CCDC91: variants seen among roughly 807,000 people sequenced by gnomAD.
CCDC91 encodes the protein coiled-coil domain-containing protein 91.
Under a neutral mutation model 63.2 loss-of-function variants are expected in CCDC91, and 48 were observed. The ratio of observed to expected loss-of-function variants is 0.76; its 90% CI spans 0.60 to 0.97. CCDC91 has a LOEUF of 0.97. Ranked by LOEUF, CCDC91 falls within the 50% of genes least tolerant of loss-of-function variation. CCDC91 has a pLI of 0.00. For synonymous variants in CCDC91, 167 were observed against 165.8 expected, an observed-to-expected ratio of 1.01 and a Z score of -0.06; for missense variants, 500 against 494.6, an observed-to-expected ratio of 1.01 and a Z score of -0.10.
chr12:28,465,696 G>T (rs1950517085), intron 11 of CCDC91, among the ~76,000 whole-genome samples: 1 of 152,118 alleles, frequency 6.6e-6, no homozygotes, highest in Admixed American at 6.5e-5. Context: ...TTCCCCAGAA[G>T]GATGGATACA....
intron 12 of CCDC91, among the ~76,000 whole-genome samples, chr12:28,513,896 T>C (rs1321998800): frequency 6.6e-6 from 1 of 151,938 alleles, no homozygotes; most frequent in Non-Finnish European, 1.5e-5. Flanking sequence ...ATGTCTTTGC[T>C]ATTGTGAATA....
intron 8 of CCDC91, among the ~76,000 whole-genome samples, chr12:28,435,614 C>A (rs1371322212): frequency 6.6e-6 from 1 of 151,704 alleles, no homozygotes; most frequent in Admixed American, 6.6e-5. Context: ...TACAGATAGC[C>A]AGTATATGCA....
At chr12:28,436,193 T>G (rs1346149172) in intron 8 of CCDC91, among the ~76,000 whole-genome samples, 1 of 151,898 alleles carries the variant, frequency 6.6e-6, no homozygotes, top group African/African-American at 2.4e-5. Flanking sequence ...TTCTGCCTTT[T>G]GTGGTGGTTT....
intron 7 of CCDC91, among the ~76,000 whole-genome samples, chr12:28,362,720 A>C (rs554089056): frequency 2.6e-5 from 4 of 152,214 alleles, no homozygotes; most frequent in Non-Finnish European, 5.9e-5. Context: ...GAATTTGAGA[A>C]AGTTTGAGAA....
At chr12:28,307,158 G>GCTTTCTAACT (rs1938830934) in intron 5 of CCDC91, among the ~76,000 whole-genome samples, 2 of 151,796 alleles carry the variant, frequency 1.3e-5, no homozygotes, top group African/African-American at 2.4e-5. Flanking sequence ...TCGTTTACTA[G>GCTTTCTAACT]GTTTTTTCTA....
intron 1 of CCDC91, among the ~76,000 whole-genome samples, chr12:28,217,428 G>A (rs1943636964): frequency 6.6e-6 from 1 of 152,102 alleles, no homozygotes; most frequent in African/African-American, 2.4e-5. Flanking sequence ...GACTGCTCAA[G>A]CTTGTATTCA....
intron 1 of CCDC91, among the ~76,000 whole-genome samples, chr12:28,224,026 C>G (rs1944114254): frequency 6.6e-6 from 1 of 152,184 alleles, no homozygotes; most frequent in African/African-American, 2.4e-5. Flanking sequence ...TGCTTAAGTG[C>G]TCCACAAATC....
At chr12:28,540,073 A>G (rs1314005258) in intron 12 of CCDC91, among the ~76,000 whole-genome samples, 1 of 152,134 alleles carries the variant, frequency 6.6e-6, no homozygotes, top group African/African-American at 2.4e-5. Flanking sequence ...AGTAGTGGAA[A>G]TATGAAAGTA....
Position 28,210,457 on chromosome 12 carries a change from T to C in CCDC91, c.-15+19816T>C, listed in dbSNP as rs1169123837. ...ATATAACTGCACAGACAGAAGATTA[T>C]TACAGTTGTTGTAAGTTTCTATTTA... On this transcript the variant is annotated intron_variant, in intron 1 of 12. Coordinates refer to ENST00000536442, the MANE Select transcript of CCDC91 (RefSeq NM_018318.5). Among the ~76,000 whole-genome samples, 3 of 152,202 alleles carry C rather than the reference T, an allele frequency of 2.0e-5. No homozygotes were observed. The East Asian group carries it at 5.8e-4, about 29-fold the overall frequency.
chr12:28,443,121 T>A lies in CCDC91; in HGVS notation c.763-7040T>A, dbSNP rs540430610. ...GTTCTCTAATTTTTTTAAATAGAAA[T>A]CTCATGGTTTGAATTTTTTTCCCAG... On this transcript the variant is annotated intron_variant, in intron 8 of 12. Coordinates refer to ENST00000536442, the MANE Select transcript of CCDC91 (RefSeq NM_018318.5). 4.4e-5 allele frequency among the ~76,000 whole-genome samples: 3 copies of A among 67,930 alleles called. No homozygotes were observed. In the South Asian group the frequency reaches 1.9e-3, roughly 44 times the overall value. The allele number at this position is 67,930 out of a possible 152,430, so 44.6% of individuals were successfully genotyped here.
In CCDC91 at chr12:28,295,247, C is replaced by T. The variant is rs550042999; in HGVS notation, c.110-10402C>T. Among the ~76,000 whole-genome samples, 4 of 152,236 alleles carry T rather than the reference C, an allele frequency of 2.6e-5. No individual in the cohort carries two copies. In the East Asian group the frequency reaches 7.7e-4, roughly 29 times the overall value. On this transcript the variant is annotated intron_variant, in intron 3 of 12. Transcript: ENST00000536442. The stretch of plus-strand genomic sequence containing the variant: ...AAGTGATTATAACATTTGCCTGGTT[C>T]CCTCATTGTGTGAGTAGACTAAAAT...
chr12:28,326,864 C>T (rs1592317887), intron 6 of CCDC91, among the ~76,000 whole-genome samples: 1 of 152,014 alleles, frequency 6.6e-6, no homozygotes, highest in Non-Finnish European at 1.5e-5. Context: ...AGCCAGTACA[C>T]AAAACTGAAG....
intron 8 of CCDC91, among the ~76,000 whole-genome samples, chr12:28,424,599 C>G (rs1948202991): frequency 6.6e-6 from 1 of 151,858 alleles, no homozygotes; most frequent in African/African-American, 2.4e-5. Flanking sequence ...GTCTTTTTTT[C>G]CATTGAAGTT....
chr12:28,192,981 T>C (rs907845487), intron 1 of CCDC91, among the ~76,000 whole-genome samples: 2 of 152,208 alleles, frequency 1.3e-5, no homozygotes, highest in African/African-American at 4.8e-5. Flanking sequence ...TGGTATGTTA[T>C]GTAAATGGAA....
At chr12:28,233,022 A>G (rs955226537) in intron 1 of CCDC91, among the ~76,000 whole-genome samples, 3 of 151,926 alleles carry the variant, frequency 2.0e-5, no homozygotes, top group African/African-American at 7.2e-5. Flanking sequence ...TTCAGGGGAT[A>G]CATCTCATGA....
chr12:28,488,684 T>G (rs1951846975), intron 12 of CCDC91, among the ~76,000 whole-genome samples: 1 of 151,896 alleles, frequency 6.6e-6, no homozygotes, highest in Non-Finnish European at 1.5e-5. Flanking sequence ...TTATCTAATT[T>G]TAATGGATTT....
intron 6 of CCDC91, among the ~76,000 whole-genome samples, chr12:28,314,249 A>G (rs928549963): frequency 2.0e-5 from 3 of 152,018 alleles, no homozygotes; most frequent in South Asian, 2.1e-4. Flanking sequence ...AAATTTACCT[A>G]TAAATGGATT....
chr12:28,494,101 A>T (rs1592841921), intron 12 of CCDC91, among the ~76,000 whole-genome samples: 1 of 151,716 alleles, frequency 6.6e-6, no homozygotes, highest in Non-Finnish European at 1.5e-5. Flanking sequence ...TCCCTGCCTG[A>T]TGACTTTGTT....
chr12:28,392,095 C>T (rs1364277890), intron 8 of CCDC91, among the ~76,000 whole-genome samples: 1 of 151,704 alleles, frequency 6.6e-6, no homozygotes, highest in African/African-American at 2.4e-5. Flanking sequence ...ATAAATATAC[C>T]ACCTTATTCT....
Sources: gnomAD v4.1 joint callset for allele counts (sites outside exome capture counted in the v4.1 genomes callset) on GRCh38, gnomAD v4.1.1 for gene constraint, MANE v1.5 for transcripts, NCBI Gene and HGNC (gene_info 2026-07-23, HGNC 2026-07-21) for gene names.